The following TMEM132D variants were observed in gnomAD, a reference collection of about 807,000 sequenced individuals.
TMEM132D encodes mature OL transmembrane protein.
In TMEM132D, 21 loss-of-function variants were observed where a neutral mutation model predicts 62.3. That is an observed-to-expected ratio of 0.34 (90% confidence interval 0.24 to 0.49). The LOEUF (loss-of-function observed/expected upper bound fraction) is 0.49, where lower values mean the gene tolerates loss of function less well. Ranked by LOEUF, TMEM132D falls within the 20% of genes least tolerant of loss-of-function variation. The pLI is 0.99. For missense variants in TMEM132D, 1,346 were observed against 1,402.8 expected (o/e 0.96, Z 0.65); for synonymous variants, 621 against 575.6 (o/e 1.08, Z -1.13).
chr12:129,700,165 G>A lies in TMEM132D; in HGVS notation c.613C>T (p.Pro205Ser), dbSNP rs141605203. 88 of 1,612,872 alleles carry A rather than the reference G, an allele frequency of 5.5e-5. No homozygotes were observed. The highest frequency in any genetic ancestry group is 2.2e-4 in the East Asian group (10 of 44,862). ...ELELLSSWFS[P>S]PTVVAGRRKS... ...CTCCTCCCGGCAACCACCGTGGGGGGGCTGAACCAGCTGGACAGGAGCTCC... is the reference window on the plus strand; with the variant it reads ...CTCCTCCCGGCAACCACCGTGGGGGAGCTGAACCAGCTGGACAGGAGCTCC... Residue 205 changes from proline to serine, a missense_variant, in exon 2 of 9, where the codon CCC becomes TCC. Transcript: ENST00000422113.
intron 5 of TMEM132D, among the ~76,000 whole-genome samples, chr12:129,125,766 G>A (rs568334351): frequency 6.6e-6 from 1 of 152,100 alleles, no homozygotes; most frequent in East Asian, 1.9e-4. Flanking sequence ...GCCTCCCAAA[G>A]CGCACTGTGA....
rs546751224 is a variant in TMEM132D at position 129,732,656 on chromosome 12, A to G, written c.80-31958T>C. Among the ~76,000 whole-genome samples, 6 of 152,344 alleles carry G rather than the reference A, an allele frequency of 3.9e-5. No individual in the cohort carries two copies. The South Asian group carries it at 1.2e-3, about 32-fold the overall frequency. ...AAATGCTCCCTGAGGCCTCCCCAGA[A>G]GCAAATGCTGGTGTTATGCTTTCTG... On this transcript the variant is annotated intron_variant, in intron 1 of 8. Coordinates refer to ENST00000422113, the MANE Select transcript of TMEM132D (RefSeq NM_133448.3).
At chr12:129,299,289 A>G (rs1003783711) in intron 4 of TMEM132D, among the ~76,000 whole-genome samples, 4 of 152,240 alleles carry the variant, frequency 2.6e-5, no homozygotes, top group Admixed American at 2.0e-4. Flanking sequence ...ATCCAGAGCT[A>G]AAATGTGAGA....
chr12:129,107,768 C>G (rs1201474525), intron 5 of TMEM132D, among the ~76,000 whole-genome samples: 2 of 152,106 alleles, frequency 1.3e-5, no homozygotes, highest in African/African-American at 4.8e-5. Context: ...TTCACTGAAG[C>G]CTTGACCTCC....
intron 1 of TMEM132D, among the ~76,000 whole-genome samples, chr12:129,796,800 G>A (rs1463686550): frequency 6.6e-6 from 1 of 152,146 alleles, no homozygotes; most frequent in Admixed American, 6.5e-5. Context: ...GATGGGTGCA[G>A]CAAACCACCA....
At position 129,646,856 on chromosome 12, in the gene TMEM132D, A is replaced by G. The variant is rs991223748; in HGVS notation, c.968+52954T>C. On this transcript the variant is annotated intron_variant, in intron 2 of 8. Coordinates refer to ENST00000422113, the MANE Select transcript of TMEM132D (RefSeq NM_133448.3). ...CTCTTGTCACCCAGGCTACAGTGCA[A>G]TGGTGCAATCTTGGCTCACTGCAAC... 2.7e-5 allele frequency among the ~76,000 whole-genome samples: 4 copies of G among 150,064 alleles called. No individual in the cohort carries two copies. The East Asian group carries it at 7.8e-4, about 29-fold the overall frequency.
intron 5 of TMEM132D, among the ~76,000 whole-genome samples, chr12:129,148,961 G>A (rs938999489): frequency 9.2e-5 from 14 of 152,150 alleles, no homozygotes; most frequent in Non-Finnish European, 7.3e-5. Context: ...GTTCTCCAGC[G>A]TGGGTCTCCT....
At chr12:129,648,537 C>T (rs1490968640) in intron 2 of TMEM132D, among the ~76,000 whole-genome samples, 1 of 152,142 alleles carries the variant, frequency 6.6e-6, no homozygotes, top group African/African-American at 2.4e-5. Flanking sequence ...CAAGGTGAGC[C>T]CATTGGGCAG....
chr12:129,139,484 T>A (rs541044245), intron 5 of TMEM132D, among the ~76,000 whole-genome samples: 1 of 152,254 alleles, frequency 6.6e-6, no homozygotes, highest in Non-Finnish European at 1.5e-5. Flanking sequence ...GGACTCCCAG[T>A]GGAGTCAGGA....
chr12:129,762,793 A>G (rs1169155658), intron 1 of TMEM132D, among the ~76,000 whole-genome samples: 1 of 152,170 alleles, frequency 6.6e-6, no homozygotes, highest in Admixed American at 6.5e-5. Context: ...TGTTATCACT[A>G]TAACAGTTCT....
chr12:129,568,045 C>A (rs1247350840), intron 2 of TMEM132D, among the ~76,000 whole-genome samples: 1 of 152,202 alleles, frequency 6.6e-6, no homozygotes, highest in African/African-American at 2.4e-5. Flanking sequence ...TCATTTCTCT[C>A]CCATTCTGTT....
At chr12:129,129,569 G>A (rs1876311559) in intron 5 of TMEM132D, among the ~76,000 whole-genome samples, 1 of 152,170 alleles carries the variant, frequency 6.6e-6, no homozygotes, top group African/African-American at 2.4e-5. Context: ...TCTCCATACT[G>A]TTTTCCACAG....
intron 1 of TMEM132D, among the ~76,000 whole-genome samples, chr12:129,894,513 A>C (rs1358635845): frequency 6.6e-6 from 1 of 152,212 alleles, no homozygotes; most frequent in African/African-American, 2.4e-5. Flanking sequence ...AGCCTCATCT[A>C]AAATCAGCAC....
At chr12:129,607,199 G>C (rs1336230251) in intron 2 of TMEM132D, among the ~76,000 whole-genome samples, 5 of 151,988 alleles carry the variant, frequency 3.3e-5, no homozygotes, top group Admixed American at 3.3e-4. Context: ...TTATTATAGC[G>C]AAATGATACC....
At chr12:129,531,402 C>T (rs1876222215) in intron 2 of TMEM132D, among the ~76,000 whole-genome samples, 197 bp from the exon 3 acceptor site, 2 of 152,150 alleles carry the variant, frequency 1.3e-5, no homozygotes, top group Non-Finnish European at 2.9e-5. Flanking sequence ...CCTACCTTTA[C>T]TAAAGAGCTA....
intron 3 of TMEM132D, among the ~76,000 whole-genome samples, chr12:129,369,612 A>C (rs894459637): frequency 3.9e-5 from 6 of 152,174 alleles, no homozygotes; most frequent in African/African-American, 1.4e-4. Flanking sequence ...GAAACATCCC[A>C]CCTAGCCATT....
At chr12:129,290,822 T>A (rs931077432) in intron 4 of TMEM132D, among the ~76,000 whole-genome samples, 2 of 152,202 alleles carry the variant, frequency 1.3e-5, no homozygotes, top group Admixed American at 6.5e-5. Flanking sequence ...ATGGCAAGGA[T>A]ACATTTTCAG....
intron 4 of TMEM132D, among the ~76,000 whole-genome samples, chr12:129,220,704 A>G (rs917561698): frequency 1.3e-5 from 2 of 152,196 alleles, no homozygotes; most frequent in African/African-American, 4.8e-5. Flanking sequence ...AAGAAATGGT[A>G]CCTTGTAAGA....
chr12:129,886,852 A>G (rs1874762695), intron 1 of TMEM132D, among the ~76,000 whole-genome samples: 1 of 152,096 alleles, frequency 6.6e-6, no homozygotes, highest in South Asian at 2.1e-4. Context: ...TCCTCACAAG[A>G]TCTGATGGTT....
Sources: allele counts gnomAD v4.1 joint callset (sites outside exome capture counted in the v4.1 genomes callset), GRCh38; gene constraint gnomAD v4.1.1; transcripts MANE v1.5; gene names NCBI Gene and HGNC (gene_info 2026-07-23, HGNC 2026-07-21).